The following JPH3 variants were observed in gnomAD, a reference collection of about 807,000 sequenced individuals.
JPH3 encodes junctophilin-3.
Under a neutral mutation model 59.6 loss-of-function variants are expected in JPH3, and 11 were observed. The ratio of observed to expected loss-of-function variants is 0.18; its 90% CI spans 0.12 to 0.31. JPH3 has a LOEUF of 0.31. Among genes scored for constraint, JPH3 ranks in the 10% least tolerant of loss-of-function variants. The pLI is 1.00. For synonymous variants in JPH3, 673 were observed against 483.6 expected (o/e 1.39, Z -5.14); for missense variants, 1,202 against 1,105.7 (o/e 1.09, Z -1.24).
intron 2 of JPH3, among the ~76,000 whole-genome samples, chr16:87,675,946 AAAC>A (rs1471982104): frequency 2.6e-5 from 4 of 152,238 alleles, no homozygotes; most frequent in African/African-American, 9.6e-5. Context: ...GTTTTCCATG[AAAC>A]AACAACAGCA....
intron 2 of JPH3, among the ~76,000 whole-genome samples, chr16:87,669,668 G>A (rs1053416660): frequency 3.3e-5 from 5 of 152,184 alleles, no homozygotes; most frequent in Admixed American, 6.5e-5. Context: ...GGTGGAGGCC[G>A]GGACAGTGTG....
chr16:87,696,166 C>CG (rs2142853756), intron 4 of JPH3: 1 of 455,680 alleles, frequency 2.2e-6, no homozygotes, highest in African/African-American at 2.0e-5. Context: ...GGCAGCCATG[C>CG]GGGCCCTTCT....
intron 2 of JPH3, among the ~76,000 whole-genome samples, chr16:87,679,498 T>C (rs2033232340): frequency 6.6e-6 from 1 of 152,226 alleles, no homozygotes. Flanking sequence ...ATTAAAATAA[T>C]TGCAGGGAGA....
intron 2 of JPH3, among the ~76,000 whole-genome samples, chr16:87,669,684 C>T (rs571559755): frequency 1.5e-4 from 23 of 152,236 alleles, no homozygotes; most frequent in African/African-American, 4.3e-4. Context: ...GTGTGAGGGC[C>T]GCCTGGTCAG....
intron 2 of JPH3, among the ~76,000 whole-genome samples, 167 bp downstream of exon 2, chr16:87,645,202 G>A (rs1263624203): frequency 6.6e-6 from 1 of 152,236 alleles, no homozygotes; most frequent in African/African-American, 2.4e-5. Context: ...TTCCCTGGAG[G>A]TTCTCAGAGG....
intron 1 of JPH3, among the ~76,000 whole-genome samples, chr16:87,616,208 G>T (rs1371746021): frequency 1.4e-5 from 2 of 144,422 alleles, no homozygotes; most frequent in Non-Finnish European, 3.0e-5. Flanking sequence ...GTGTGTGTGT[G>T]TGTGTGTGTG....
At chr16:87,606,467 C>T (rs903907047) in intron 1 of JPH3, among the ~76,000 whole-genome samples, 4 of 152,158 alleles carry the variant, frequency 2.6e-5, no homozygotes, top group East Asian at 1.9e-4. Flanking sequence ...TAGCTCCTAC[C>T]GTCTGCATGG....
chr16:87,660,229 C>G (rs2032657823), intron 2 of JPH3, among the ~76,000 whole-genome samples: 1 of 152,178 alleles, frequency 6.6e-6, no homozygotes, highest in Non-Finnish European at 1.5e-5. Flanking sequence ...AATGGCGTCC[C>G]TCTGAGAAAG....
intron 2 of JPH3, among the ~76,000 whole-genome samples, chr16:87,668,023 T>C (rs1436084894): frequency 1.3e-5 from 2 of 152,200 alleles, no homozygotes; most frequent in Non-Finnish European, 2.9e-5. Context: ...AAACTTATCT[T>C]CTGGCTTCGT....
At position 87,603,538 on chromosome 16, in the gene JPH3, G is replaced by T. The variant is rs1567577743; in HGVS notation, c.382+10G>T. 1 of 1,545,456 alleles carries T rather than the reference G, an allele frequency of 6.5e-7. No homozygotes were observed. ...ACCTACTCGGACGGAGGTAGGTGCCGCGGGCCGGGCCGGGCCGGGGCGGGA... is the reference window on the plus strand; with the variant it reads ...ACCTACTCGGACGGAGGTAGGTGCCTCGGGCCGGGCCGGGCCGGGGCGGGA... On this transcript the variant is annotated intron_variant, in intron 1 of 4. Transcript: ENST00000284262.
chr16:87,694,684 T>C (rs2033735125), intron 4 of JPH3: 1 of 156,574 alleles, frequency 6.4e-6, no homozygotes, highest in African/African-American at 2.4e-5. Flanking sequence ...CGTGTACTGT[T>C]CACTTCAGGT....
intron 2 of JPH3, 51 bp from the exon 3 acceptor site, chr16:87,684,091 C>T: frequency 6.9e-7 from 1 of 1,440,886 alleles, no homozygotes; most frequent in Non-Finnish European, 9.8e-7. Context: ...ACCCAGACCC[C>T]TGTCACCTGT....
rs370408306 is a variant in JPH3 at position 87,644,445 on chromosome 16, C to G, written c.570C>G (p.Ala190=). Residue 190 remains alanine, a synonymous_variant, in exon 2 of 5, where the codon GCC becomes GCG. Coordinates refer to ENST00000284262, the MANE Select transcript of JPH3 (RefSeq NM_020655.4). ...CTCCGGCGGTGGCCGGCAGCCCGGC[C>G]GTGTCCCGCGGGGGCTTCGTGCTCG... ...DASPAVAGSP[A]VSRGGFVLVA... is the part of the protein sequence containing the mutation. 1.2e-6 allele frequency: 2 copies of G among 1,612,410 alleles called. No individual in the cohort carries two copies. Among genetic ancestry groups the G allele is most frequent in the Admixed American group, 1.7e-5 (1 of 59,994 alleles).
chr16:87,643,834 A>G (rs1262157964), intron 1 of JPH3, among the ~76,000 whole-genome samples: 1 of 148,342 alleles, frequency 6.7e-6, no homozygotes. Flanking sequence ...CGCAAACCTC[A>G]CCAGGTTTCA....
intron 1 of JPH3, among the ~76,000 whole-genome samples, chr16:87,608,166 T>C (rs1452258767): frequency 6.6e-6 from 1 of 152,232 alleles, no homozygotes; most frequent in Non-Finnish European, 1.5e-5. Flanking sequence ...GAGAGAACTC[T>C]GACCCCTTCT....
At chr16:87,608,818 C>A (rs954995671) in intron 1 of JPH3, among the ~76,000 whole-genome samples, 1 of 152,198 alleles carries the variant, frequency 6.6e-6, no homozygotes, top group African/African-American at 2.4e-5. Flanking sequence ...GGGAGGTTCA[C>A]TTGAGCCCAG....
chr16:87,634,089 G>C (rs1443004734), intron 1 of JPH3, among the ~76,000 whole-genome samples: 1 of 152,192 alleles, frequency 6.6e-6, no homozygotes, highest in Non-Finnish European at 1.5e-5. Flanking sequence ...GGACAAAGTG[G>C]GTGCAGAGAG....
At chr16:87,615,599 A>G (rs974096103) in intron 1 of JPH3, among the ~76,000 whole-genome samples, 5 of 152,156 alleles carry the variant, frequency 3.3e-5, no homozygotes, top group Non-Finnish European at 5.9e-5. Context: ...GTGGGAAGTG[A>G]TGGAGCAGGG....
intron 2 of JPH3, among the ~76,000 whole-genome samples, chr16:87,645,737 C>T (rs1714234385): frequency 6.6e-6 from 1 of 152,056 alleles, no homozygotes; most frequent in African/African-American, 2.4e-5. Flanking sequence ...GCCTTTAGGG[C>T]TGGAGGAAGG....
Sources: gnomAD v4.1 joint callset for allele counts (sites outside exome capture counted in the v4.1 genomes callset) on GRCh38, gnomAD v4.1.1 for gene constraint, MANE v1.5 for transcripts, NCBI Gene and HGNC (gene_info 2026-07-23, HGNC 2026-07-21) for gene names.